Variants in TPD52L1 observed in about 807,000 individuals in gnomAD.
TPD52L1 encodes the protein TPD52 like 1.
TPD52L1 carries 18 observed loss-of-function variants against 28.7 expected under a neutral mutation model. That is an observed-to-expected ratio of 0.63 (90% CI 0.43 to 0.93). TPD52L1 has a LOEUF of 0.93. TPD52L1 is among the 40% of genes least tolerant of loss of function. The pLI, the probability that TPD52L1 is intolerant of heterozygous loss-of-function variation, is 0.00. For synonymous variants in TPD52L1, 75 were observed against 88.8 expected, an observed-to-expected ratio of 0.84 and a Z score of 0.88; for missense variants, 203 against 254.8, an observed-to-expected ratio of 0.80 and a Z score of 1.39.
Position 125,194,047 on chromosome 6 carries a change from A to G in TPD52L1, c.20-26031A>G, listed in dbSNP as rs558751237. On this transcript the variant is annotated intron_variant, in intron 1 of 6. Transcript: ENST00000534000. ...AGTTTTTTTTTTTTTTTTTTTTCTAAAAAAACAAAAGGCTGATAAAAGGAC... is the reference window on the plus strand; with the variant it reads ...AGTTTTTTTTTTTTTTTTTTTTCTAGAAAAACAAAAGGCTGATAAAAGGAC... 4.6e-3 allele frequency among the ~76,000 whole-genome samples: 685 copies of G among 150,092 alleles called. 5 individuals are homozygous for G. Among genetic ancestry groups the G allele is most frequent in the African/African-American group, 0.016 (641 of 40,988 alleles).
At chr6:125,169,014 C>T (rs921976824) in intron 1 of TPD52L1, among the ~76,000 whole-genome samples, 4 of 152,094 alleles carry the variant, frequency 2.6e-5, no homozygotes, top group Non-Finnish European at 5.9e-5. Context: ...CCCTCCCCTT[C>T]CTCTCTCTAC....
At chr6:125,246,065 G>A (rs1796904927) in intron 3 of TPD52L1, among the ~76,000 whole-genome samples, 1 of 152,218 alleles carries the variant, frequency 6.6e-6, no homozygotes, top group African/African-American at 2.4e-5. Context: ...CGCTCTGTGA[G>A]ATACAGTTAT....
intron 1 of TPD52L1, among the ~76,000 whole-genome samples, chr6:125,169,300 A>G (rs1791124809): frequency 6.6e-6 from 1 of 152,090 alleles, no homozygotes; most frequent in Admixed American, 6.5e-5. Context: ...CTCATGACTC[A>G]TGATTTTGAA....
At chr6:125,166,672 A>G (rs1790926736) in intron 1 of TPD52L1, among the ~76,000 whole-genome samples, 1 of 152,114 alleles carries the variant, frequency 6.6e-6, no homozygotes, top group African/African-American at 2.4e-5. Flanking sequence ...ATAGAAAGAA[A>G]TGAATACCCC....
At chr6:125,163,571 G>T (rs933065553) in intron 1 of TPD52L1, among the ~76,000 whole-genome samples, 2 of 147,242 alleles carry the variant, frequency 1.4e-5, no homozygotes, top group African/African-American at 5.0e-5. Context: ...TGGACAAAGT[G>T]ACACCCTGTC....
At chr6:125,255,259 T>C (rs982820543) in intron 5 of TPD52L1, among the ~76,000 whole-genome samples, 4 of 152,208 alleles carry the variant, frequency 2.6e-5, no homozygotes, top group Non-Finnish European at 4.4e-5. Context: ...ATTTTGCTTG[T>C]CTAACATATA....
In TPD52L1 at chr6:125,174,261, G is replaced by A. The variant is rs189280107; in HGVS notation, c.19+20291G>A. ...AAGTAGGCACTAGTGAAACAGACAC[G>A]AAAGAACCAAAGTCCTTTCCTTTGT... is the stretch of plus-strand genomic sequence containing the variant. On this transcript the variant is annotated intron_variant, in intron 1 of 6. Coordinates refer to ENST00000534000, the MANE Select transcript of TPD52L1 (RefSeq NM_003287.4). 9.2e-5 allele frequency among the ~76,000 whole-genome samples: 14 copies of A among 152,234 alleles called. No homozygotes were observed. In the East Asian group the frequency reaches 2.5e-3, roughly 27 times the overall value.
intron 1 of TPD52L1, among the ~76,000 whole-genome samples, chr6:125,163,734 T>C (rs968677276): frequency 3.3e-5 from 5 of 151,652 alleles, no homozygotes; most frequent in African/African-American, 1.2e-4. Flanking sequence ...AAGACCAGCC[T>C]GATCAACATC....
intron 1 of TPD52L1, chr6:125,219,856 T>G: frequency 1.8e-6 from 1 of 541,840 alleles, no homozygotes; most frequent in Non-Finnish European, 3.3e-6. Flanking sequence ...CATCTCTGCC[T>G]TCTCATTTTC....
chr6:125,185,610 A>T (rs1347785105), intron 1 of TPD52L1, among the ~76,000 whole-genome samples: 1 of 152,110 alleles, frequency 6.6e-6, no homozygotes, highest in Non-Finnish European at 1.5e-5. Flanking sequence ...AGACGAAGAG[A>T]GACTGCCAAT....
chr6:125,167,598 A>G (rs1203723180), intron 1 of TPD52L1, among the ~76,000 whole-genome samples: 2 of 152,238 alleles, frequency 1.3e-5, no homozygotes, highest in Non-Finnish European at 1.5e-5. Context: ...AAATATTGTT[A>G]CAAATGTTTC....
intron 1 of TPD52L1, among the ~76,000 whole-genome samples, chr6:125,213,883 G>T (rs1033864208): frequency 6.6e-6 from 1 of 152,130 alleles, no homozygotes; most frequent in Non-Finnish European, 1.5e-5. Context: ...TGCCCAAAAG[G>T]GATGCCTGAT....
At chr6:125,202,158 T>A (rs1400849054) in intron 1 of TPD52L1, among the ~76,000 whole-genome samples, 3 of 152,192 alleles carry the variant, frequency 2.0e-5, no homozygotes, top group Admixed American at 1.3e-4. Context: ...TGTGCAAAGA[T>A]TAGAGAACTG....
At chr6:125,195,433 G>A (rs936758295) in intron 1 of TPD52L1, among the ~76,000 whole-genome samples, 2 of 152,090 alleles carry the variant, frequency 1.3e-5, no homozygotes, top group African/African-American at 4.8e-5. Flanking sequence ...GGTACATTGT[G>A]GACCGCTAAG....
intron 1 of TPD52L1, among the ~76,000 whole-genome samples, chr6:125,200,796 T>C (rs1320828891): frequency 6.6e-6 from 1 of 152,218 alleles, no homozygotes; most frequent in Non-Finnish European, 1.5e-5. Context: ...ATTCATTATT[T>C]TGTCAACCTA....
At chr6:125,160,394 C>G (rs958905611) in intron 1 of TPD52L1, among the ~76,000 whole-genome samples, 2 of 152,172 alleles carry the variant, frequency 1.3e-5, no homozygotes, top group African/African-American at 4.8e-5. Flanking sequence ...AGGTCTTGCT[C>G]GGTTGCCTAG....
intron 2 of TPD52L1, among the ~76,000 whole-genome samples, chr6:125,224,004 T>C (rs1418892685): frequency 6.6e-6 from 1 of 152,118 alleles, no homozygotes; most frequent in Non-Finnish European, 1.5e-5. Context: ...TTTCAGATAT[T>C]TATTCTCATT....
intron 1 of TPD52L1, among the ~76,000 whole-genome samples, chr6:125,173,556 A>G (rs1225191667): frequency 6.6e-6 from 1 of 151,920 alleles, no homozygotes; most frequent in East Asian, 1.9e-4. Context: ...CCTCTTTCTT[A>G]CCCAAGAGGG....
chr6:125,254,855 T>C (rs1797501327), intron 5 of TPD52L1, among the ~76,000 whole-genome samples: 1 of 152,244 alleles, frequency 6.6e-6, no homozygotes, highest in Non-Finnish European at 1.5e-5. Context: ...CCAGCATGTA[T>C]TCTAGTATAA....
Sources: allele counts gnomAD v4.1 joint callset (sites outside exome capture counted in the v4.1 genomes callset), GRCh38; gene constraint gnomAD v4.1.1; transcripts MANE v1.5; gene names NCBI Gene and HGNC (gene_info 2026-07-23, HGNC 2026-07-21).